CLIP2: variants seen among roughly 807,000 people sequenced by gnomAD.
CLIP2 encodes CAP-Gly domain containing linker protein 2.
In CLIP2, 41 loss-of-function variants were observed where a neutral mutation model predicts 111.7. The ratio of observed to expected loss-of-function variants is 0.37; its 90% CI spans 0.29 to 0.48. The LOEUF (loss-of-function observed/expected upper bound fraction) is 0.48, where lower values mean the gene tolerates loss of function less well. Among genes scored for constraint, CLIP2 ranks in the 20% least tolerant of loss-of-function variants. CLIP2 has a pLI of 0.99. For missense variants in CLIP2, 1,160 were observed against 1,422.1 expected, an observed-to-expected ratio of 0.82 and a Z score of 2.96; for synonymous variants, 660 against 644.2, an observed-to-expected ratio of 1.02 and a Z score of -0.37.
At chr7:74,381,017 A>C (rs782510780) in intron 11 of CLIP2, 154 bp downstream of exon 11, 6 of 680,258 alleles carry the variant, frequency 8.8e-6, no homozygotes, top group Non-Finnish European at 1.6e-5. Flanking sequence ...GCAAGGGAGG[A>C]GGCCAGTTTA....
intron 15 of CLIP2, 96 bp downstream of exon 15, chr7:74,400,651 C>A (rs1554317426): frequency 6.4e-6 from 8 of 1,258,354 alleles, no homozygotes; most frequent in Non-Finnish European, 6.5e-6. Flanking sequence ...GTCTTTAAAA[C>A]CCCAGTCTGA....
At chr7:74,397,504 G>A (rs1358622838) in intron 14 of CLIP2, among the ~76,000 whole-genome samples, 1 of 151,992 alleles carries the variant, frequency 6.6e-6, no homozygotes, top group African/African-American at 2.4e-5. Flanking sequence ...GGCAGGATGA[G>A]CCAATACAGG....
rs555568129 is a variant in CLIP2, at chr7:74,297,485, A to C, written c.-68+7751A>C. Among the ~76,000 whole-genome samples the C allele has an allele frequency of 2.2e-3, 327 of 152,000 alleles. 1 individual carries two copies. Among genetic ancestry groups the C allele is most frequent in the African/African-American group, 6.2e-3 (257 of 41,474 alleles). On this transcript the variant is annotated intron_variant, in intron 1 of 16. Transcript: ENST00000223398. Reference sequence around the variant, plus strand: ...GAGCAAGATCCTGTCTCAAAAAAAAACCCAAAAAACCGAATAAGAAAACAA... The same window carrying C: ...GAGCAAGATCCTGTCTCAAAAAAAACCCCAAAAAACCGAATAAGAAAACAA...
chr7:74,315,382 C>T (rs2116496791), intron 1 of CLIP2, among the ~76,000 whole-genome samples: 1 of 151,320 alleles, frequency 6.6e-6, no homozygotes, highest in South Asian at 2.1e-4. Context: ...AATATGTAAT[C>T]TTTGCTTTTA....
intron 1 of CLIP2, among the ~76,000 whole-genome samples, chr7:74,304,783 C>T (rs1009198961): frequency 1.3e-4 from 20 of 151,678 alleles, no homozygotes; most frequent in Non-Finnish European, 2.9e-5. Flanking sequence ...GTGAGATCCT[C>T]TCTTTACATA....
intron 1 of CLIP2, among the ~76,000 whole-genome samples, chr7:74,307,048 G>A (rs1406581257): frequency 6.6e-6 from 1 of 152,178 alleles, no homozygotes; most frequent in Non-Finnish European, 1.5e-5. Flanking sequence ...CACGAGGGCA[G>A]GTGGCCTCCC....
chr7:74,393,180 C>T (rs1434432208), intron 13 of CLIP2, among the ~76,000 whole-genome samples: 3 of 151,520 alleles, frequency 2.0e-5, no homozygotes, highest in African/African-American at 4.8e-5. Flanking sequence ...GGATTACAGG[C>T]GCCCATCACC....
chr7:74,343,819 C>G (rs1341840614), intron 3 of CLIP2, among the ~76,000 whole-genome samples: 1 of 151,590 alleles, frequency 6.6e-6, no homozygotes, highest in East Asian at 1.9e-4. Context: ...GGGAGGATCA[C>G]TTGAGCTCAG....
chr7:74,338,646 A>T lies in CLIP2; in HGVS notation c.320A>T (p.Gln107Leu). Residue 107 changes from glutamine to leucine, a missense_variant, in exon 3 of 17, where the codon CAG becomes CTG. Gln to Leu is a moderately radical substitution (Grantham distance 113). This residue lies in a region of CLIP2 where 301 missense variants were observed against 315.2 expected (regional missense o/e 0.96). Transcript: ENST00000223398. This position sits in a 1 kb window ranked among gnomAD's most constrained non-coding sequence, Gnocchi z 4.3. The part of the protein sequence containing the change: ...YLGETQFAPG[Q>L]WAGVVLDDPV... Reference sequence around the variant, plus strand: ...GGAGAGACGCAGTTCGCACCGGGCCAGTGGGCTGGCGTGGTGCTGGACGAC... The same window carrying T: ...GGAGAGACGCAGTTCGCACCGGGCCTGTGGGCTGGCGTGGTGCTGGACGAC... 1 of 1,569,410 alleles carries T rather than the reference A, an allele frequency of 6.4e-7. No individual in the cohort carries two copies. Among genetic ancestry groups the T allele is most frequent in the Admixed American group, 1.9e-5 (1 of 53,066 alleles).
chr7:74,358,110 G>T (rs1790202305), intron 6 of CLIP2, among the ~76,000 whole-genome samples: 1 of 149,302 alleles, frequency 6.7e-6, no homozygotes, highest in Non-Finnish European at 1.5e-5. Flanking sequence ...GGAGGGCAGT[G>T]GTGCAATCTC....
chr7:74,371,192 C>G (rs184806681), intron 8 of CLIP2, among the ~76,000 whole-genome samples: 1 of 140,860 alleles, frequency 7.1e-6, no homozygotes, highest in South Asian at 2.2e-4. Context: ...TGCAGTGAGC[C>G]GAGATCGCGC....
chr7:74,367,767 A>G (rs1340214921), intron 8 of CLIP2, among the ~76,000 whole-genome samples: 1 of 151,950 alleles, frequency 6.6e-6, no homozygotes, highest in Admixed American at 6.6e-5. Context: ...TTCCCATCTC[A>G]GATATTGGCC....
At chr7:74,332,376 A>AT (rs1789313344) in intron 2 of CLIP2, among the ~76,000 whole-genome samples, 3 of 142,212 alleles carry the variant, frequency 2.1e-5, no homozygotes, top group African/African-American at 5.2e-5. Context: ...GCCCCGTGTA[A>AT]TTTTTTTCTC....
At chr7:74,364,407 AG>A in intron 8 of CLIP2, 92 bp downstream of exon 8, 1 of 1,140,452 alleles carries the variant, frequency 8.8e-7, no homozygotes, top group African/African-American at 1.5e-5. Flanking sequence ...CAGCACCTCT[AG>A]GCCCCCCCGG....
At chr7:74,361,176 T>TTCCTTCCTTCCTTCCTTCCTTCC (rs1790318521) in intron 7 of CLIP2, among the ~76,000 whole-genome samples, 4 of 62,120 alleles carry the variant, frequency 6.4e-5, no homozygotes, top group Non-Finnish European at 1.3e-4. Context: ...CCCTCCCTTC[T>TTCCTTCCTTCCTTCCTTCCTTCC]TTCCTTCCTT....
chr7:74,314,012 CCT>C (rs1554728824), intron 1 of CLIP2, among the ~76,000 whole-genome samples: 1 of 151,510 alleles, frequency 6.6e-6, no homozygotes. Flanking sequence ...GCAGAAACCC[CCT>C]CTCTACTAAA....
intron 1 of CLIP2, among the ~76,000 whole-genome samples, chr7:74,306,715 C>T (rs1027145310): frequency 6.6e-6 from 1 of 152,184 alleles, no homozygotes; most frequent in Non-Finnish European, 1.5e-5. Context: ...CTCGCCTGTC[C>T]GTCCTGTGCA....
intron 1 of CLIP2, 28 bp from the exon 2 acceptor site, chr7:74,317,452 A>T: frequency 7.7e-7 from 1 of 1,301,454 alleles, no homozygotes; most frequent in Non-Finnish European, 9.8e-7. Flanking sequence ...GGAAGTGATG[A>T]TGTGATCTCT....
At chr7:74,339,955 A>G (rs566203572) in intron 3 of CLIP2, among the ~76,000 whole-genome samples, 1 of 152,168 alleles carries the variant, frequency 6.6e-6, no homozygotes, top group Admixed American at 6.6e-5. Flanking sequence ...TTAGCCAGGC[A>G]TGGTGGCATG....
Sources: allele counts gnomAD v4.1 joint callset (sites outside exome capture counted in the v4.1 genomes callset), GRCh38; gene constraint gnomAD v4.1.1; regional missense constraint gnomAD v4.1.1; non-coding constraint Gnocchi (gnomAD v3.1); transcripts MANE v1.5; gene names NCBI Gene and HGNC (gene_info 2026-07-23, HGNC 2026-07-21).